The following IRAG1 variants were observed in gnomAD, a reference collection of about 807,000 sequenced individuals.
IRAG1 encodes inositol 1,4,5-triphosphate receptor associated 1.
In IRAG1, 62 loss-of-function variants were observed where a neutral mutation model predicts 106.2. The observed-to-expected ratio is 0.58, with a 90% CI of 0.48 to 0.72. IRAG1 has a LOEUF of 0.72. Ranked by LOEUF, IRAG1 falls within the 30% of genes least tolerant of loss-of-function variation. The probability of loss-of-function intolerance (pLI) is 0.00; values close to 1 mark genes in which losing one functional copy is unlikely to be tolerated. For synonymous variants in IRAG1, 462 were observed against 443.9 expected (o/e 1.04, Z -0.51); for missense variants, 1,064 against 1,140.7 (o/e 0.93, Z 0.97).
intron 1 of IRAG1, among the ~76,000 whole-genome samples, chr11:10,679,787 G>A (rs1316208662): frequency 6.6e-6 from 1 of 152,218 alleles, no homozygotes; most frequent in African/African-American, 2.4e-5. Flanking sequence ...GCTCTGAAAA[G>A]AAAGCTTATG....
rs1387593999 is a variant in IRAG1, at chr11:10,665,981, T to A, written c.68-13799A>T. 6.6e-6 allele frequency among the ~76,000 whole-genome samples: 1 copy of A among 152,088 alleles called. No homozygotes were observed. The highest frequency in any genetic ancestry group is 1.5e-5 in the Non-Finnish European group (1 of 68,012). ...CAGGGGTGGGTGGAAGCCGGGAGGG[T>A]AGAGCCTGGGAATGGCTCTCCCAAC... On this transcript the variant is annotated intron_variant, in intron 1 of 20. Coordinates refer to ENST00000423302, the MANE Select transcript of IRAG1 (RefSeq NM_130385.4). The surrounding 1 kb of genome is among the most constrained non-coding windows in gnomAD (Gnocchi z 4.2).
chr11:10,598,139 T>C (rs1853541949), intron 15 of IRAG1, among the ~76,000 whole-genome samples: 1 of 152,212 alleles, frequency 6.6e-6, no homozygotes, highest in Non-Finnish European at 1.5e-5. Context: ...TGGGAATCTG[T>C]GTCAACTCTC....
intron 10 of IRAG1, among the ~76,000 whole-genome samples, chr11:10,619,350 A>C (rs1855664659): frequency 6.6e-6 from 1 of 152,142 alleles, no homozygotes; most frequent in African/African-American, 2.4e-5. Context: ...CCATCATAAG[A>C]GACTGGATTT....
chr11:10,606,661 T>C, intron 12 of IRAG1, 81 bp downstream of exon 12: 6 of 1,396,072 alleles, frequency 4.3e-6, no homozygotes, highest in Non-Finnish European at 5.9e-6. Context: ...ATGTCAGAGC[T>C]AGAGTCTGGA....
In IRAG1 at chr11:10,576,542, G is replaced by T; in HGVS notation, c.2529C>A (p.Val843=). Residue 843 remains valine, a synonymous_variant, in exon 21 of 21, where the codon GTC becomes GTA. Transcript: ENST00000423302. ...AGTGCTGACACAGTTTGGGATACAT[G>T]ACTTGTAAGAAATGGACCAATTCTT... is the stretch of plus-strand genomic sequence containing the variant. The part of the protein sequence containing the change: ...KLEELVHFLQ[V]MYPKLCQHWQ... 1 of 1,613,984 alleles carries T rather than the reference G, an allele frequency of 6.2e-7. No homozygotes were observed. The highest frequency in any genetic ancestry group is 1.1e-5 in the South Asian group (1 of 91,062).
intron 18 of IRAG1, among the ~76,000 whole-genome samples, chr11:10,590,900 C>T (rs1176975201): frequency 6.6e-6 from 1 of 152,200 alleles, no homozygotes; most frequent in Non-Finnish European, 1.5e-5. Context: ...CTGACCCTCT[C>T]ACCAACCCCA....
chr11:10,675,204 C>G (rs1860556638), intron 1 of IRAG1, among the ~76,000 whole-genome samples: 2 of 152,202 alleles, frequency 1.3e-5, no homozygotes, highest in Admixed American at 1.3e-4. Context: ...TGCTTTCCAC[C>G]CTGGACTGGG....
intron 1 of IRAG1, among the ~76,000 whole-genome samples, chr11:10,687,222 C>G (rs1309778024): frequency 6.6e-6 from 1 of 152,240 alleles, no homozygotes; most frequent in Non-Finnish European, 1.5e-5. Context: ...CATGGGAGAC[C>G]AGCCTTGCAA....
chr11:10,586,208 T>C (rs1266502391), intron 18 of IRAG1: 1 of 151,674 alleles, frequency 6.6e-6, no homozygotes, highest in East Asian at 1.9e-4. Context: ...GTGGGTAGGG[T>C]GGCAAGTGGG....
rs754380820 is a variant in IRAG1 at position 10,693,575 on chromosome 11, T to C, written c.28A>G (p.Arg10Gly). Reference protein sequence around the residue: MVKAPQSEERLARGGKENNS... With the variant: MVKAPQSEEGLARGGKENNS... ...TTCTCCTTTCCTCCTCTGGCCAGCC[T>C]CTCTTCACTCTGGGGAGCTTTTACC... is the stretch of plus-strand genomic sequence containing the variant. The change falls in exon 1 of 21, where the codon AGG (arginine) becomes GGG (glycine). Residue 10 changes from arginine to glycine, a missense_variant. Arg to Gly is a moderately radical substitution (Grantham distance 125, BLOSUM62 -2). Transcript: ENST00000423302. The C allele has an allele frequency of 7.8e-6, 12 of 1,535,498 alleles. No individual in the cohort carries two copies. In the South Asian group the frequency reaches 1.3e-4, roughly 17 times the overall value.
intron 4 of IRAG1, among the ~76,000 whole-genome samples, chr11:10,630,377 T>G (rs537099851): frequency 1.3e-5 from 2 of 151,906 alleles, no homozygotes; most frequent in African/African-American, 4.8e-5. Context: ...CTTTTTTTTT[T>G]TTTTCTTTTT....
chr11:10,592,072 A>T (rs1250483538), intron 17 of IRAG1, among the ~76,000 whole-genome samples: 1 of 152,164 alleles, frequency 6.6e-6, no homozygotes, highest in African/African-American at 2.4e-5. Context: ...GAAAGCTCAA[A>T]CCATCAGAAA....
At chr11:10,600,440 G>T (rs1853864921) in intron 15 of IRAG1, among the ~76,000 whole-genome samples, 1 of 152,168 alleles carries the variant, frequency 6.6e-6, no homozygotes, top group African/African-American at 2.4e-5. Flanking sequence ...TAATGTAACT[G>T]CCACACCACA....
intron 1 of IRAG1, among the ~76,000 whole-genome samples, chr11:10,688,988 G>A (rs1861863204): frequency 6.6e-6 from 1 of 152,150 alleles, no homozygotes; most frequent in Non-Finnish European, 1.5e-5. Flanking sequence ...AGGACTGAAT[G>A]AGCGACTGCA....
rs562646239 is a variant in IRAG1, at chr11:10,689,062, C to T, written c.67+4474G>A. On this transcript the variant is annotated intron_variant, in intron 1 of 20. Transcript: ENST00000423302. ...CTCACCAAGTGTTAGCTACCATTGTCATTACTTTTATTTAAAAGGGAAACT... is the reference window on the plus strand; with the variant it reads ...CTCACCAAGTGTTAGCTACCATTGTTATTACTTTTATTTAAAAGGGAAACT... Among the ~76,000 whole-genome samples, 34 of 152,300 alleles carry T rather than the reference C, an allele frequency of 2.2e-4. No homozygotes were observed. In the South Asian group the frequency reaches 7.0e-3, roughly 32 times the overall value.
chr11:10,580,725 G>T, intron 19 of IRAG1, 136 bp from the exon 20 acceptor site: 1 of 1,059,276 alleles, frequency 9.4e-7, no homozygotes, highest in Non-Finnish European at 1.3e-6. Context: ...ACAGGAAAAA[G>T]CTGGGAAGCT....
At chr11:10,614,033 C>A (rs942295473) in intron 10 of IRAG1, among the ~76,000 whole-genome samples, 1 of 152,152 alleles carries the variant, frequency 6.6e-6, no homozygotes, top group Non-Finnish European at 1.5e-5. Context: ...TACGGGCCAC[C>A]CTATAGCCTA....
At chr11:10,662,992 C>T (rs190176083) in intron 1 of IRAG1, among the ~76,000 whole-genome samples, 62 of 152,298 alleles carry the variant, frequency 4.1e-4, no homozygotes, top group Admixed American at 1.5e-3. Context: ...TCTGAGCCAA[C>T]GGCCTCTTCC....
intron 10 of IRAG1, among the ~76,000 whole-genome samples, chr11:10,615,111 A>G (rs1855293083): frequency 1.3e-5 from 2 of 152,382 alleles, no homozygotes; most frequent in South Asian, 4.1e-4. Context: ...CCCATCAAAA[A>G]GTGGGCAAAG....
Sources: gnomAD v4.1 joint callset for allele counts (sites outside exome capture counted in the v4.1 genomes callset) on GRCh38, gnomAD v4.1.1 for gene constraint, Gnocchi (gnomAD v3.1) non-coding constraint, MANE v1.5 for transcripts, NCBI Gene and HGNC (gene_info 2026-07-23, HGNC 2026-07-21) for gene names.